DSCAM: variants seen among roughly 807,000 people sequenced by gnomAD.
DSCAM encodes DS cell adhesion molecule.
Under a neutral mutation model 217.7 loss-of-function variants are expected in DSCAM, and 47 were observed. The ratio of observed to expected loss-of-function variants is 0.22; its 90% CI spans 0.17 to 0.28. The LOEUF (loss-of-function observed/expected upper bound fraction) is 0.28, where lower values mean the gene tolerates loss of function less well. Ranked by LOEUF, DSCAM falls within the 10% of genes least tolerant of loss-of-function variation. DSCAM has a pLI of 1.00. For synonymous variants in DSCAM, 1,056 were observed against 1,015.3 expected (o/e 1.04, Z -0.76); for missense variants, 2,080 against 2,618.3 (o/e 0.79, Z 4.49).
chr21:40,552,218 G>A (rs1317239546), intron 3 of DSCAM, among the ~76,000 whole-genome samples: 2 of 152,068 alleles, frequency 1.3e-5, no homozygotes, highest in Non-Finnish European at 2.9e-5. Flanking sequence ...GGAGGCTGAG[G>A]CAGAAGAATT....
At chr21:40,745,251 C>A (rs1366760127) in intron 1 of DSCAM, among the ~76,000 whole-genome samples, 1 of 152,032 alleles carries the variant, frequency 6.6e-6, no homozygotes, top group Non-Finnish European at 1.5e-5. Context: ...AGGAAATAAT[C>A]GCTAAGATAT....
At chr21:40,770,187 T>C (rs1044855681) in intron 1 of DSCAM, among the ~76,000 whole-genome samples, 1 of 152,374 alleles carries the variant, frequency 6.6e-6, no homozygotes, top group East Asian at 1.9e-4. Context: ...GGTCTTCATT[T>C]CTTCCCTAGA....
chr21:40,273,228 T>G (rs192873477), intron 11 of DSCAM, among the ~76,000 whole-genome samples: 42 of 152,350 alleles, frequency 2.8e-4, no homozygotes, highest in African/African-American at 9.6e-4. Flanking sequence ...TTTTCACATG[T>G]GTTACCCTGT....
chr21:40,524,040 T>C (rs2076380766), intron 3 of DSCAM, among the ~76,000 whole-genome samples: 1 of 152,230 alleles, frequency 6.6e-6, no homozygotes, highest in African/African-American at 2.4e-5. Context: ...CTTGATTTGA[T>C]GAAAGAAATT....
intron 1 of DSCAM, among the ~76,000 whole-genome samples, chr21:40,802,032 C>T (rs1355572891): frequency 1.3e-5 from 2 of 152,162 alleles, no homozygotes; most frequent in Non-Finnish European, 2.9e-5. Flanking sequence ...ACTGTGGAGT[C>T]ACCAGTAGCA....
intron 1 of DSCAM, among the ~76,000 whole-genome samples, chr21:40,809,413 G>C (rs959127736): frequency 6.6e-6 from 1 of 152,134 alleles, no homozygotes; most frequent in Non-Finnish European, 1.5e-5. Flanking sequence ...AGATATTTTG[G>C]GGGTAGTTCT....
chr21:40,280,822 C>T, intron 10 of DSCAM, among the ~76,000 whole-genome samples: 1 of 152,140 alleles, frequency 6.6e-6, no homozygotes, highest in Non-Finnish European at 1.5e-5. Context: ...TTTTCTTCTT[C>T]CCTCTCTCCC....
At chr21:40,831,322 C>A (rs1490115820) in intron 1 of DSCAM, among the ~76,000 whole-genome samples, 1 of 152,152 alleles carries the variant, frequency 6.6e-6, no homozygotes, top group African/African-American at 2.4e-5. Flanking sequence ...CACACACAGG[C>A]ACACACAGGC....
At chr21:40,475,857 T>TA (rs986207470) in intron 3 of DSCAM, among the ~76,000 whole-genome samples, 24 of 151,038 alleles carry the variant, frequency 1.6e-4, no homozygotes, top group Admixed American at 3.3e-4. Context: ...AAATAAAATT[T>TA]AAAAAAAAAC....
intron 1 of DSCAM, among the ~76,000 whole-genome samples, chr21:40,750,262 C>A (rs1260388795): frequency 6.6e-6 from 1 of 152,136 alleles, no homozygotes; most frequent in Non-Finnish European, 1.5e-5. Context: ...GCCTCCTAGT[C>A]TCTCATTTTA....
chr21:40,583,024 A>G (rs936133078), intron 3 of DSCAM, among the ~76,000 whole-genome samples: 13 of 152,242 alleles, frequency 8.5e-5, no homozygotes, highest in Admixed American at 3.3e-4. Context: ...TTTAGGAATC[A>G]GTAAAAAAAT....
chr21:40,358,733 C>T (rs190424824), intron 4 of DSCAM, among the ~76,000 whole-genome samples: 13 of 148,284 alleles, frequency 8.8e-5, no homozygotes, highest in East Asian at 4.0e-4. Context: ...ACCCGGGAAG[C>T]GGAGGTTGCA....
At chr21:40,491,194 C>T (rs1466128723) in intron 3 of DSCAM, among the ~76,000 whole-genome samples, 1 of 152,138 alleles carries the variant, frequency 6.6e-6, no homozygotes, top group Non-Finnish European at 1.5e-5. Context: ...TAAATGCTTT[C>T]TAGTGAAAAA....
intron 3 of DSCAM, among the ~76,000 whole-genome samples, chr21:40,628,993 G>A (rs117914667): frequency 0.013 from 1,995 of 152,068 alleles, 26 homozygotes; most frequent in Non-Finnish European, 0.018. Flanking sequence ...GCAATCTGCC[G>A]GCCTCGGCCT....
intron 1 of DSCAM, among the ~76,000 whole-genome samples, chr21:40,715,932 A>T (rs1228619472): frequency 6.6e-6 from 1 of 152,188 alleles, no homozygotes; most frequent in Non-Finnish European, 1.5e-5. Context: ...AGACTTTAAA[A>T]ATGTAAATGT....
chr21:40,374,162 A>T (rs1424829977), intron 3 of DSCAM, among the ~76,000 whole-genome samples: 2 of 152,218 alleles, frequency 1.3e-5, no homozygotes, highest in South Asian at 4.1e-4. Flanking sequence ...CACATACAAA[A>T]TCAACACATT....
intron 11 of DSCAM, among the ~76,000 whole-genome samples, chr21:40,238,943 A>G (rs1468201229): frequency 2.6e-5 from 4 of 152,196 alleles, no homozygotes; most frequent in Admixed American, 6.5e-5. Context: ...GGCAGCGTCA[A>G]TGCCACTCTG....
intron 30 of DSCAM, among the ~76,000 whole-genome samples, chr21:40,049,138 A>G (rs1005065291): frequency 1.3e-5 from 2 of 152,206 alleles, no homozygotes; most frequent in African/African-American, 4.8e-5. Context: ...CACAAAGGAC[A>G]GAAACATTGT....
chr21:40,652,357 AAAAAAC>A (rs1347371689), intron 3 of DSCAM, among the ~76,000 whole-genome samples: 3 of 152,128 alleles, frequency 2.0e-5, no homozygotes, highest in East Asian at 3.8e-4. Flanking sequence ...CAAAAAAAAA[AAAAAAC>A]AACTTCTAGC....
Sources: gnomAD v4.1 joint callset for allele counts (sites outside exome capture counted in the v4.1 genomes callset) on GRCh38, gnomAD v4.1.1 for gene constraint, MANE v1.5 for transcripts, NCBI Gene and HGNC (gene_info 2026-07-23, HGNC 2026-07-21) for gene names.